ELMOD1: variants seen among roughly 807,000 people sequenced by gnomAD.
ELMOD1 encodes the protein ELMO domain-containing protein 1.
Under a neutral mutation model 46.7 loss-of-function variants are expected in ELMOD1, and 21 were observed. That is an observed-to-expected ratio of 0.45 (90% confidence interval 0.32 to 0.65). ELMOD1 has a LOEUF of 0.65. Ranked by LOEUF, ELMOD1 falls within the 30% of genes least tolerant of loss-of-function variation. ELMOD1 has a pLI of 0.04. For synonymous variants in ELMOD1, 122 were observed against 138.2 expected (o/e 0.88, Z 0.82); for missense variants, 348 against 407.8 (o/e 0.85, Z 1.26).
chr11:107,643,368 GAAA>G (rs112788240), intron 6 of ELMOD1: 394 of 166,354 alleles, frequency 2.4e-3, no homozygotes, highest in South Asian at 6.7e-3. Context: ...CTCCATCTAG[GAAA>G]AAAAAAAAAA....
chr11:107,631,794 C>A, intron 5 of ELMOD1, 117 bp downstream of exon 5: 1 of 535,860 alleles, frequency 1.9e-6, no homozygotes, highest in Non-Finnish European at 3.2e-6. Flanking sequence ...TAATCATCTG[C>A]CATGTTTTGA....
At chr11:107,655,804 AC>A in intron 10 of ELMOD1, 128 bp from the exon 11 acceptor site, 2 of 988,008 alleles carry the variant, frequency 2.0e-6, no homozygotes, top group Non-Finnish European at 2.9e-6. Context: ...CCATAAAGTG[AC>A]TTCCTGACAT....
chr11:107,617,236 A>G (rs1378200886), intron 1 of ELMOD1, among the ~76,000 whole-genome samples: 1 of 152,186 alleles, frequency 6.6e-6, no homozygotes, highest in Non-Finnish European at 1.5e-5. Context: ...TATTCGAGCT[A>G]AGTATGAGTT....
intron 2 of ELMOD1, among the ~76,000 whole-genome samples, chr11:107,619,705 CAA>C (rs1472585187): frequency 2.0e-5 from 3 of 152,104 alleles, no homozygotes; most frequent in African/African-American, 7.2e-5. Flanking sequence ...AATAGGTGCA[CAA>C]AGAGTACATT....
chr11:107,643,651 C>T, intron 6 of ELMOD1: 1 of 532,182 alleles, frequency 1.9e-6, no homozygotes, highest in Non-Finnish European at 3.9e-6. Flanking sequence ...GTCCATTTAG[C>T]TCAAGGCAGA....
intron 5 of ELMOD1, among the ~76,000 whole-genome samples, chr11:107,633,143 T>G (rs1359698295): frequency 6.6e-6 from 1 of 152,208 alleles, no homozygotes; most frequent in African/African-American, 2.4e-5. Flanking sequence ...TTCCAAAATC[T>G]GAAACACTTC....
intron 6 of ELMOD1, chr11:107,643,650 G>T (rs893939430): frequency 1.3e-4 from 68 of 531,936 alleles, no homozygotes; most frequent in Non-Finnish European, 2.4e-4. Context: ...AGTCCATTTA[G>T]CTCAAGGCAG....
At chr11:107,638,755 G>A (rs928851352) in intron 6 of ELMOD1, among the ~76,000 whole-genome samples, 3 of 152,150 alleles carry the variant, frequency 2.0e-5, no homozygotes, top group Admixed American at 1.3e-4. Context: ...TGGTGTTTAC[G>A]GCTGCTATGG....
At chr11:107,628,803 T>C (rs1397002472) in intron 2 of ELMOD1, among the ~76,000 whole-genome samples, 1 of 151,776 alleles carries the variant, frequency 6.6e-6, no homozygotes, top group East Asian at 1.9e-4. Context: ...ATTATAAAAA[T>C]GTACTTAATC....
intron 2 of ELMOD1, among the ~76,000 whole-genome samples, chr11:107,622,097 C>T (rs1033573856): frequency 3.3e-5 from 5 of 151,990 alleles, no homozygotes; most frequent in Admixed American, 6.5e-5. Context: ...GAGGCGTATG[C>T]ATACAAAACT....
intron 2 of ELMOD1, among the ~76,000 whole-genome samples, chr11:107,619,552 A>G (rs1254728441): frequency 2.6e-5 from 4 of 152,166 alleles, no homozygotes; most frequent in Admixed American, 2.6e-4. Context: ...AGTGGTGATG[A>G]TGGTGGTAAG....
rs759612096 is a variant in ELMOD1 at position 107,665,133 on chromosome 11, T to C, written c.941T>C (p.Leu314Pro). 1.2e-6 allele frequency: 2 copies of C among 1,614,022 alleles called. No individual in the cohort carries two copies. Among genetic ancestry groups the C allele is most frequent in the South Asian group, 2.2e-5 (2 of 91,084 alleles). The change falls in exon 12 of 12, where the codon CTG becomes CCG. Residue 314 changes from leucine (L) to proline (P), a missense_variant. Coordinates refer to ENST00000265840, the MANE Select transcript of ELMOD1 (RefSeq NM_018712.4). The part of the protein sequence containing the change: ...EKFRKRIIKQ[L>P]QNPDMALCPH... ...TTCCGCAAGAGGATCATCAAACAGC[T>C]GCAGAACCCAGACATGGCGCTGTGC... is the stretch of plus-strand genomic sequence containing the variant.
At chr11:107,630,822 TG>T in intron 4 of ELMOD1, 94 bp downstream of exon 4, 1 of 1,266,058 alleles carries the variant, frequency 7.9e-7, no homozygotes, top group Non-Finnish European at 1.1e-6. Context: ...AATATACCAC[TG>T]GCTAGGAAAA....
chr11:107,639,398 A>G (rs1008023147), intron 6 of ELMOD1, among the ~76,000 whole-genome samples: 4 of 152,174 alleles, frequency 2.6e-5, no homozygotes, highest in Non-Finnish European at 5.9e-5. Flanking sequence ...ACTTATATAG[A>G]CATTTCTATT....
intron 1 of ELMOD1, chr11:107,592,333 C>G (rs778014795): frequency 1.1e-5 from 6 of 533,450 alleles, no homozygotes; most frequent in Middle Eastern, 4.0e-4. Context: ...AAATACGCTG[C>G]TAACCCCCAG....
chr11:107,611,486 G>GAC (rs1865779348), intron 1 of ELMOD1, among the ~76,000 whole-genome samples: 1 of 151,254 alleles, frequency 6.6e-6, no homozygotes, highest in African/African-American at 2.4e-5. Flanking sequence ...GGATCACAAG[G>GAC]TCAGGAGATC....
chr11:107,607,681 A>G (rs1265052614), intron 1 of ELMOD1, among the ~76,000 whole-genome samples: 1 of 148,148 alleles, frequency 6.8e-6, no homozygotes, highest in African/African-American at 2.6e-5. Context: ...ACAAACAAAC[A>G]AACAAGATAT....
chr11:107,619,987 A>T (rs1160279113), intron 2 of ELMOD1: 1 of 152,236 alleles, frequency 6.6e-6, no homozygotes. Flanking sequence ...TTGAAATAAT[A>T]AAAGGAAACT....
At chr11:107,639,866 A>C (rs1269831459) in intron 6 of ELMOD1, among the ~76,000 whole-genome samples, 1 of 152,114 alleles carries the variant, frequency 6.6e-6, no homozygotes, top group African/African-American at 2.4e-5. Context: ...CCATAAGCCC[A>C]CCACCATTTC....
Sources: gnomAD v4.1 joint callset for allele counts (sites outside exome capture counted in the v4.1 genomes callset) on GRCh38, gnomAD v4.1.1 for gene constraint, MANE v1.5 for transcripts, NCBI Gene and HGNC (gene_info 2026-07-23, HGNC 2026-07-21) for gene names.